NXPE3: variants seen among roughly 807,000 people sequenced by gnomAD.
The protein encoded by NXPE3 is neurexophilin and PC-esterase domain family member 3.
In NXPE3, 26 loss-of-function variants were observed where a neutral mutation model predicts 46.1. The observed-to-expected ratio is 0.56, with a 90% CI of 0.41 to 0.78. NXPE3 has a LOEUF of 0.78. Ranked by LOEUF, NXPE3 falls within the 30% of genes least tolerant of loss-of-function variation. The probability of loss-of-function intolerance (pLI) is 0.00; values close to 1 mark genes in which losing one functional copy is unlikely to be tolerated. For missense variants in NXPE3, 620 were observed against 686.0 expected (o/e 0.90, Z 1.07); for synonymous variants, 272 against 257.9 (o/e 1.05, Z -0.52).
intron 4 of NXPE3, among the ~76,000 whole-genome samples, chr3:101,791,456 G>T (rs1940512811): frequency 1.3e-5 from 2 of 152,140 alleles, no homozygotes; most frequent in African/African-American, 4.8e-5. Flanking sequence ...CACGATCTCT[G>T]CTCACTGCAA....
At chr3:101,797,735 C>G (rs1316064732) in intron 4 of NXPE3, among the ~76,000 whole-genome samples, 2 of 44,984 alleles carry the variant, frequency 4.4e-5, no homozygotes, top group Non-Finnish European at 8.7e-5. Flanking sequence ...TCATCCATGT[C>G]CCTACAAAGG....
intron 3 of NXPE3, among the ~76,000 whole-genome samples, chr3:101,784,757 C>A (rs1309490988): frequency 6.6e-6 from 1 of 152,162 alleles, no homozygotes; most frequent in Non-Finnish European, 1.5e-5. Context: ...GATCCTGTTA[C>A]CCATTTTTCA....
intron 6 of NXPE3, among the ~76,000 whole-genome samples, chr3:101,809,377 C>T (rs1941604074): frequency 1.3e-5 from 2 of 152,128 alleles, no homozygotes; most frequent in Admixed American, 6.6e-5. Context: ...ACTCTGTGGA[C>T]CAGCAGGGGG....
chr3:101,821,467 A>C lies in NXPE3; in HGVS notation c.1193A>C (p.Lys398Thr). The change falls in exon 8 of 8, where the codon AAG becomes ACG. Residue 398 changes from lysine (K) to threonine (T), a missense_variant. Physicochemically the swap from Lys to Thr is moderately conservative, Grantham distance 78. Coordinates refer to ENST00000273347, the MANE Select transcript of NXPE3 (RefSeq NM_145037.4). ...NVGPFLAVDQ[K>T]HNILLKYRCH... Reference sequence around the variant, plus strand: ...GGTCCCTTCCTTGCAGTGGACCAGAAGCACAACATCCTGCTCAAATACCGC... The same window carrying C: ...GGTCCCTTCCTTGCAGTGGACCAGACGCACAACATCCTGCTCAAATACCGC... 1 of 1,614,232 alleles carries C rather than the reference A, an allele frequency of 6.2e-7. No individual in the cohort carries two copies. Among genetic ancestry groups the C allele is most frequent in the Non-Finnish European group, 8.5e-7 (1 of 1,180,058 alleles).
At chr3:101,798,603 T>TATATATA (rs56059573) in intron 4 of NXPE3, among the ~76,000 whole-genome samples, 3 of 124,844 alleles carry the variant, frequency 2.4e-5, no homozygotes, top group African/African-American at 9.0e-5. Context: ...TATATATATA[T>TATATATA]TTTTTTTTTT....
chr3:101,820,075 G>A lies in NXPE3; in HGVS notation c.1130-1329G>A, dbSNP rs375243963. On this transcript the variant is annotated intron_variant, in intron 7 of 7. Transcript: ENST00000273347. ...TTTCATCCATGTTGTTACAAATGAC[G>A]GAATTTCCCCAAAGAAGTATTTGGT... 9.3e-4 allele frequency among the ~76,000 whole-genome samples: 142 copies of A among 152,184 alleles called. 1 individual carries two copies. In the South Asian group the frequency reaches 0.014, roughly 15 times the overall value.
chr3:101,821,520 A>G lies in NXPE3; in HGVS notation c.1246A>G (p.Thr416Ala). 6.2e-7 allele frequency: 1 copy of G among 1,614,170 alleles called. No homozygotes were observed. Among genetic ancestry groups the G allele is most frequent in the Non-Finnish European group, 8.5e-7 (1 of 1,180,036 alleles). ...RCHGPPIRFT[T>A]VFSNELHYVA... The stretch of plus-strand genomic sequence containing the variant: ...CCATGGTCCACCCATCCGCTTCACG[A>G]CTGTCTTTAGCAATGAGCTCCATTA... Residue 416 changes from threonine to alanine, a missense_variant, in exon 8 of 8, where the codon ACT becomes GCT. Transcript: ENST00000273347.
At chr3:101,789,184 A>G (rs909557320) in intron 4 of NXPE3, among the ~76,000 whole-genome samples, 1 of 152,132 alleles carries the variant, frequency 6.6e-6, no homozygotes, top group Non-Finnish European at 1.5e-5. Context: ...CTAGTTTCTT[A>G]AAGTGATAGC....
intron 7 of NXPE3, among the ~76,000 whole-genome samples, chr3:101,818,753 ATTTTTTTTTTTTTTTTTT>A (rs1186102474): frequency 2.0e-3 from 25 of 12,254 alleles, no homozygotes; most frequent in South Asian, 8.2e-3. Flanking sequence ...ATATATATAT[ATTTTTTTTTTTTTTTTTT>A]TTTTTTTTTT....
Position 101,826,671 on chromosome 3 carries a change from A to G in NXPE3, c.*4717A>G, listed in dbSNP as rs367659246. 6.6e-5 allele frequency: 10 copies of G among 152,170 alleles called. No individual in the cohort carries two copies. Among genetic ancestry groups the G allele is most frequent in the East Asian group, 3.8e-4 (2 of 5,196 alleles). 9.4% of individuals were successfully genotyped at this position (152,170 alleles called of 1,614,324 possible). A position where few individuals can be genotyped will look rare whatever the true frequency, so the allele number is the denominator to read the frequency against. On this transcript the variant is annotated 3_prime_UTR_variant, in exon 8 of 8. Transcript: ENST00000273347. The stretch of plus-strand genomic sequence containing the variant: ...GTTTAAAGGACACAGAAGCTAGGAG[A>G]GCAGAAAATGTACTCCACCACCTTC...
chr3:101,816,819 A>G lies in NXPE3; in HGVS notation c.947A>G (p.Gln316Arg), dbSNP rs1684404164. The G allele has an allele frequency of 6.2e-7, 1 of 1,611,152 alleles. No individual in the cohort carries two copies. Among genetic ancestry groups the G allele is most frequent in the African/African-American group, 1.3e-5 (1 of 74,818 alleles). The change falls in exon 7 of 8, where the codon CAA (glutamine) becomes CGA (arginine). Residue 316 changes from glutamine to arginine, a missense_variant. This residue lies in a region of NXPE3 where 511 missense variants were observed against 528.6 expected (regional missense o/e 0.97). Transcript: ENST00000273347. Reference protein sequence around the residue: ...IKETNSLELSQGSGTFPSGYY... With the variant: ...IKETNSLELSRGSGTFPSGYY... ...GAAACTAACAGTCTAGAACTATCTC[A>G]AGGCTCAGGAACTTTTCCTTCTGGG...
In NXPE3 at chr3:101,821,473, A is replaced by C. The variant is rs376234770; in HGVS notation, c.1199A>C (p.Asn400Thr). ...TTCCTTGCAGTGGACCAGAAGCACA[A>C]CATCCTGCTCAAATACCGCTGCCAT... ...GPFLAVDQKH[N>T]ILLKYRCHGP... is the part of the protein sequence containing the mutation. The change falls in exon 8 of 8, where the codon AAC becomes ACC. Residue 400 changes from asparagine (N) to threonine (T), a missense_variant. Around this residue, in one of 3 missense-constraint regions of NXPE3, gnomAD observed 511 missense variants for 528.6 expected, o/e 0.97. Coordinates refer to ENST00000273347, the MANE Select transcript of NXPE3 (RefSeq NM_145037.4). 12 of 1,614,054 alleles carry C rather than the reference A, an allele frequency of 7.4e-6. No individual in the cohort carries two copies. Among genetic ancestry groups the C allele is most frequent in the Non-Finnish European group, 1.0e-5 (12 of 1,180,034 alleles).
intron 7 of NXPE3, among the ~76,000 whole-genome samples, chr3:101,819,321 G>A (rs1473049831): frequency 6.6e-6 from 1 of 152,162 alleles, no homozygotes; most frequent in Non-Finnish European, 1.5e-5. Context: ...ATTATACAGA[G>A]TTTTTTAGGA....
At chr3:101,818,472 G>A (rs577892102) in intron 7 of NXPE3, among the ~76,000 whole-genome samples, 44 of 151,712 alleles carry the variant, frequency 2.9e-4, no homozygotes, top group Admixed American at 5.3e-4. Context: ...TGATGACAAG[G>A]ATCACACTGA....
intron 6 of NXPE3, among the ~76,000 whole-genome samples, chr3:101,812,988 C>T (rs910776896): frequency 4.6e-5 from 7 of 151,882 alleles, no homozygotes; most frequent in Non-Finnish European, 1.0e-4. Flanking sequence ...ATTAAATTTC[C>T]AAGGTTTCAT....
chr3:101,815,626 G>A lies in NXPE3; in HGVS notation c.923-1169G>A, dbSNP rs187422917. Among the ~76,000 whole-genome samples the A allele has an allele frequency of 7.4e-3, 1,129 of 152,278 alleles. 17 individuals carry two copies. Among genetic ancestry groups the A allele is most frequent in the Middle Eastern group, 0.065 (19 of 294 alleles). On this transcript the variant is annotated intron_variant, in intron 6 of 7. Coordinates refer to ENST00000273347, the MANE Select transcript of NXPE3 (RefSeq NM_145037.4). ...CGCCTGTAATTCTAGCACTTTGGGAGGTCGAGGCGGGCGGATCACTTGAGA... is the reference window on the plus strand; with the variant it reads ...CGCCTGTAATTCTAGCACTTTGGGAAGTCGAGGCGGGCGGATCACTTGAGA...
Position 101,816,818 on chromosome 3 carries a change from C to A in NXPE3, c.946C>A (p.Gln316Lys). 1 of 1,613,894 alleles carries A rather than the reference C, an allele frequency of 6.2e-7. No homozygotes were observed. The highest frequency in any genetic ancestry group is 1.1e-5 in the South Asian group (1 of 91,060). Residue 316 changes from glutamine to lysine, a missense_variant, in exon 7 of 8, where the codon CAA becomes AAA. Gln to Lys is a moderately conservative substitution (Grantham distance 53, BLOSUM62 1). This residue lies in a region of NXPE3 where 511 missense variants were observed against 528.6 expected (regional missense o/e 0.97). Coordinates refer to ENST00000273347, the MANE Select transcript of NXPE3 (RefSeq NM_145037.4). ...IKETNSLELS[Q>K]GSGTFPSGYY... ...AGAAACTAACAGTCTAGAACTATCT[C>A]AAGGCTCAGGAACTTTTCCTTCTGG... is the stretch of plus-strand genomic sequence containing the variant.
chr3:101,818,734 TA>T (rs1942086870), intron 7 of NXPE3, among the ~76,000 whole-genome samples: 1 of 31,006 alleles, frequency 3.2e-5, no homozygotes, highest in Non-Finnish European at 6.9e-5. Flanking sequence ...TATATATATA[TA>T]TATATATATA....
chr3:101,808,508 T>G (rs1480540837), intron 6 of NXPE3, among the ~76,000 whole-genome samples: 1 of 152,014 alleles, frequency 6.6e-6, no homozygotes, highest in Non-Finnish European at 1.5e-5. Flanking sequence ...TCTTTTCAGT[T>G]TCTGCTGCTT....
Sources: gnomAD v4.1 joint callset for allele counts (sites outside exome capture counted in the v4.1 genomes callset) on GRCh38, gnomAD v4.1.1 for gene constraint, gnomAD v4.1.1 regional missense constraint, MANE v1.5 for transcripts, NCBI Gene and HGNC (gene_info 2026-07-23, HGNC 2026-07-21) for gene names.